The following ZDHHC19 variants were observed in gnomAD, a reference collection of about 807,000 sequenced individuals.
ZDHHC19 encodes the protein palmitoyltransferase ZDHHC19.
In ZDHHC19, 30 loss-of-function variants were observed where a neutral mutation model predicts 33.9. The ratio of observed to expected loss-of-function variants is 0.88; its 90% confidence interval spans 0.66 to 1.20. The LOEUF (loss-of-function observed/expected upper bound fraction) is 1.20, where lower values mean the gene tolerates loss of function less well. Among genes scored for constraint, ZDHHC19 ranks in the 50% most tolerant of loss-of-function variants. The pLI, the probability that ZDHHC19 is intolerant of heterozygous loss-of-function variation, is 0.00. For synonymous variants in ZDHHC19, 178 were observed against 167.6 expected (o/e 1.06, Z -0.48); for missense variants, 364 against 401.1 (o/e 0.91, Z 0.79).
At chr3:196,207,116 G>T (rs1722796426) in intron 5 of ZDHHC19, among the ~76,000 whole-genome samples, 2 of 152,088 alleles carry the variant, frequency 1.3e-5, no homozygotes, top group Non-Finnish European at 2.9e-5. Flanking sequence ...CTGATTTCAG[G>T]TTCCTCATCA....
At position 196,207,509 on chromosome 3, in the gene ZDHHC19, C is replaced by A; in HGVS notation, c.582-6G>T. ...CGGACACGGCCACCACGATGCTGCG[C>A]GGGTTAAGGAACCGGGCTGCGGGAC... On this transcript the variant is annotated splice_region_variant and splice_polypyrimidine_tract_variant and intron_variant, in intron 4 of 7. Transcript: ENST00000296326. 1 of 1,549,910 alleles carries A rather than the reference C, an allele frequency of 6.5e-7. No homozygotes were observed. Among genetic ancestry groups the A allele is most frequent in the Non-Finnish European group, 8.7e-7 (1 of 1,147,518 alleles).
chr3:196,198,369 G>A lies in ZDHHC19; in HGVS notation c.856C>T (p.Pro286Ser), dbSNP rs201523296. 7.9e-5 allele frequency: 121 copies of A among 1,530,610 alleles called. 1 individual carries two copies. Among genetic ancestry groups the A allele is most frequent in the Non-Finnish European group, 1.0e-4 (115 of 1,138,748 alleles). The allele number at this position is 1,530,610 out of a possible 1,614,324, so 94.8% of individuals were successfully genotyped here. A position where few individuals can be genotyped will look rare whatever the true frequency, so the allele number is the denominator to read the frequency against. Residue 286 changes from proline (P) to serine (S), a missense_variant, in exon 7 of 8, where the codon CCC becomes TCC. By Grantham distance (74) the Pro-to-Ser change is moderately conservative. Coordinates refer to ENST00000296326, the MANE Select transcript of ZDHHC19 (RefSeq NM_001039617.2). The part of the protein sequence containing the change: ...SMPNLHPPMS[P>S]SALNPPAPTS... Reference sequence around the variant, plus strand: ...GGGGCTGGGGGGTTGAGAGCAGAGGGGGACATTGGAGGGTGCAGATTCGGC... The same window carrying A: ...GGGGCTGGGGGGTTGAGAGCAGAGGAGGACATTGGAGGGTGCAGATTCGGC...
At position 196,198,719 on chromosome 3, in the gene ZDHHC19, G is replaced by A. The variant is rs2108709219; in HGVS notation, c.773+70C>T. On this transcript the variant is annotated intron_variant, in intron 6 of 7. Coordinates refer to ENST00000296326, the MANE Select transcript of ZDHHC19 (RefSeq NM_001039617.2). ...TGTAAGGGCCTGGGGCTGTGGTAAG[G>A]AGCCAGGGTGAACCCACCTCTGCCC... 1.9e-6 allele frequency: 3 copies of A among 1,607,406 alleles called. No homozygotes were observed. The South Asian group carries it at 3.3e-5, about 18-fold the overall frequency.
rs573574903 is a variant in ZDHHC19, at chr3:196,201,198, A to G, written c.688-2324T>C. Among the ~76,000 whole-genome samples, 19 of 151,236 alleles carry G rather than the reference A, an allele frequency of 1.3e-4. 2 individuals carry two copies. The highest frequency in any genetic ancestry group is 4.2e-4 in the South Asian group (2 of 4,792). On this transcript the variant is annotated intron_variant, in intron 5 of 7. Coordinates refer to ENST00000296326, the MANE Select transcript of ZDHHC19 (RefSeq NM_001039617.2). ...AGCGATTCTTCTGCTTCAGCCTCCC[A>G]AGTAGCTGGGATTACAGGCACCCAC...
rs1208551750 is a variant in ZDHHC19 at position 196,209,534 on chromosome 3, T to C, written c.269-19A>G. 1 of 1,611,108 alleles carries C rather than the reference T, an allele frequency of 6.2e-7. No individual in the cohort carries two copies. Reference sequence around the variant, plus strand: ...GCGGAGCCTGGCGTGGGAAGAGGATTGGGCACAGCAGAAGGCCCTGCGGTC... The same window carrying C: ...GCGGAGCCTGGCGTGGGAAGAGGATCGGGCACAGCAGAAGGCCCTGCGGTC... On this transcript the variant is annotated intron_variant, in intron 2 of 7. Transcript: ENST00000296326.
At position 196,207,408 on chromosome 3, in the gene ZDHHC19, T is replaced by C; in HGVS notation, c.677A>G (p.Tyr226Cys). ...ALSVSSADRT[Y>C]KGKCRHLQGY... ...CGCGGCCCCGCGTACCTTGCCCTTG[T>C]AGGTGCGGTCGGCCGAGCTCACGGA... Residue 226 changes from tyrosine (Y) to cysteine (C), a missense_variant, in exon 5 of 8, where the codon TAC becomes TGC. Coordinates refer to ENST00000296326, the MANE Select transcript of ZDHHC19 (RefSeq NM_001039617.2). 2 of 1,562,802 alleles carry C rather than the reference T, an allele frequency of 1.3e-6. No homozygotes were observed. The highest frequency in any genetic ancestry group is 2.4e-5 in the South Asian group (2 of 84,766).
intron 5 of ZDHHC19, among the ~76,000 whole-genome samples, chr3:196,204,222 T>G (rs1338891815): frequency 2.0e-5 from 3 of 152,122 alleles, no homozygotes; most frequent in African/African-American, 7.2e-5. Flanking sequence ...TTCAAAAAAA[T>G]CCATTGTATT....
rs768668006 is a variant in ZDHHC19 at position 196,198,847 on chromosome 3, A to AG, written c.714dup (p.Phe239LeufsTer24). 7.4e-6 allele frequency: 12 copies of AG among 1,613,938 alleles called. No individual in the cohort carries two copies. Among genetic ancestry groups the AG allele is most frequent in the Non-Finnish European group, 9.3e-6 (11 of 1,179,948 alleles). The stretch of plus-strand genomic sequence containing the variant: ...CAGTTGCTGGCACAGCCCTGGTCGA[A>AG]GGGGTTGTATCCCTGAAGGTGTCTG... On this transcript the variant is annotated frameshift_variant, in exon 6 of 8. Coordinates refer to ENST00000296326, the MANE Select transcript of ZDHHC19 (RefSeq NM_001039617.2). LOFTEE classifies it high-confidence loss of function.
In ZDHHC19 at chr3:196,202,163, C is replaced by T. The variant is rs1391080788; in HGVS notation, c.688-3289G>A. Among the ~76,000 whole-genome samples, 4 of 151,994 alleles carry T rather than the reference C, an allele frequency of 2.6e-5. No homozygotes were observed. The East Asian group carries it at 7.7e-4, about 29-fold the overall frequency. On this transcript the variant is annotated intron_variant, in intron 5 of 7. Coordinates refer to ENST00000296326, the MANE Select transcript of ZDHHC19 (RefSeq NM_001039617.2). Reference sequence around the variant, plus strand: ...GTGAAATCCCGTCTCTAATAAAATACGAAAATTTTTAGTAGGGTGTGGTGG... The same window carrying T: ...GTGAAATCCCGTCTCTAATAAAATATGAAAATTTTTAGTAGGGTGTGGTGG...
chr3:196,210,440 G>GAAATA (rs71621226), intron 2 of ZDHHC19, among the ~76,000 whole-genome samples, 176 bp downstream of exon 2: 4 of 137,166 alleles, frequency 2.9e-5, no homozygotes, highest in Non-Finnish European at 6.1e-5. Context: ...GAAAGAGAAA[G>GAAATA]AAAGAAAGAA....
Position 196,211,327 on chromosome 3 carries a change from C to T in ZDHHC19, c.-12G>A. ...GTTAAGAGTGTCATGGCTGGGCCTC[C>T]TTCGCCTCCAGGGGAGGTCAGAGCC... On this transcript the variant is annotated 5_prime_UTR_variant, in exon 1 of 8. Transcript: ENST00000296326. The T allele has an allele frequency of 6.2e-7, 1 of 1,600,114 alleles. No individual in the cohort carries two copies. Among genetic ancestry groups the T allele is most frequent in the Non-Finnish European group, 8.5e-7 (1 of 1,172,148 alleles).
chr3:196,198,157 TC>T, intron 7 of ZDHHC19, 118 bp downstream of exon 7: 1 of 1,022,796 alleles, frequency 9.8e-7, no homozygotes, highest in Non-Finnish European at 1.3e-6. Context: ...CCCCCCAAGC[TC>T]GGAGCGCTCC....
chr3:196,200,578 T>C (rs545265920), intron 5 of ZDHHC19, among the ~76,000 whole-genome samples: 1 of 150,350 alleles, frequency 6.7e-6, no homozygotes, highest in Non-Finnish European at 1.5e-5. Context: ...ATGGTCTCGA[T>C]CTCCTGACCT....
rs187876357 is a variant in ZDHHC19, at chr3:196,210,526, G to C, written c.268+90C>G. The C allele has an allele frequency of 9.2e-4, 1,447 of 1,566,600 alleles. 1 individual carries two copies. The highest frequency in any genetic ancestry group is 1.2e-3 in the Non-Finnish European group (1,325 of 1,147,230). ...GTGAAGGGGTCCAGAGGCTGGAGGAGGGTCAGTAGGAAGAGCACTTTAGGA... is the reference window on the plus strand; with the variant it reads ...GTGAAGGGGTCCAGAGGCTGGAGGACGGTCAGTAGGAAGAGCACTTTAGGA... On this transcript the variant is annotated intron_variant, in intron 2 of 7. Coordinates refer to ENST00000296326, the MANE Select transcript of ZDHHC19 (RefSeq NM_001039617.2).
intron 5 of ZDHHC19, among the ~76,000 whole-genome samples, chr3:196,201,818 C>T (rs1173872570): frequency 6.6e-6 from 1 of 152,186 alleles, no homozygotes; most frequent in Non-Finnish European, 1.5e-5. Flanking sequence ...GATTCTGTGT[C>T]TGAAACTGCC....
chr3:196,204,569 C>T (rs1005730464), intron 5 of ZDHHC19, among the ~76,000 whole-genome samples: 3 of 152,136 alleles, frequency 2.0e-5, no homozygotes, highest in African/African-American at 7.2e-5. Flanking sequence ...AGACACTTCA[C>T]CATAGTTACA....
Position 196,208,373 on chromosome 3 carries a change from C to A in ZDHHC19, c.581+15G>T, listed in dbSNP as rs1052954654. On this transcript the variant is annotated intron_variant, in intron 4 of 7. Coordinates refer to ENST00000296326, the MANE Select transcript of ZDHHC19 (RefSeq NM_001039617.2). ...GTCCCCGCCTCCTCTCCTGCTTCCC[C>A]ACGTGGGCGGATACGCGATGGCCTT... is the stretch of plus-strand genomic sequence containing the variant. The A allele has an allele frequency of 3.7e-6, 6 of 1,613,124 alleles. No homozygotes were observed. The highest frequency in any genetic ancestry group is 3.5e-4 in the Middle Eastern group (2 of 5,716).
chr3:196,207,529 CG>C (rs1176147310), intron 4 of ZDHHC19, 26 bp from the exon 5 acceptor site: 1 of 1,521,884 alleles, frequency 6.6e-7, no homozygotes, highest in Non-Finnish European at 8.8e-7. Flanking sequence ...AACCGGGCTG[CG>C]GGACCCCCAC....
chr3:196,208,243 CCCCGA>C, intron 4 of ZDHHC19, 140 bp downstream of exon 4: 8 of 551,294 alleles, frequency 1.5e-5, no homozygotes, highest in Admixed American at 7.9e-5. Context: ...CCCGCCCATC[CCCCGA>C]CCCCGCCCAC....
Sources: gnomAD v4.1 joint callset for allele counts (sites outside exome capture counted in the v4.1 genomes callset) on GRCh38, gnomAD v4.1.1 for gene constraint, MANE v1.5 for transcripts, NCBI Gene and HGNC (gene_info 2026-07-23, HGNC 2026-07-21) for gene names.